Variants in TBC1D13 observed in about 807,000 individuals in gnomAD.
TBC1D13 encodes the protein epididymis secretory sperm binding protein.
TBC1D13 carries 40 observed loss-of-function variants against 53.6 expected under a neutral mutation model. The observed-to-expected ratio is 0.75, with a 90% CI of 0.58 to 0.97. The LOEUF is 0.97. TBC1D13 is among the 50% of genes least tolerant of loss of function. The pLI is 0.00. For missense variants in TBC1D13, 377 were observed against 499.4 expected (o/e 0.75, Z 2.34); for synonymous variants, 182 against 197.7 (o/e 0.92, Z 0.67).
chr9:128,808,329 A>G lies in TBC1D13; in HGVS notation c.*450A>G, dbSNP rs535401058. 1 of 221,316 alleles carries G rather than the reference A, an allele frequency of 4.5e-6. No homozygotes were observed. The highest frequency in any genetic ancestry group is 9.3e-6 in the Non-Finnish European group (1 of 108,000). 13.7% of individuals were successfully genotyped at this position (221,316 alleles called of 1,614,324 possible). A position where few individuals can be genotyped will look rare whatever the true frequency, so the allele number is the denominator to read the frequency against. The stretch of plus-strand genomic sequence containing the variant: ...ACAGGGAAGGCGACACTGAAAGCTG[A>G]GTCCTGCCGTCTGTCTCACCCACAG... On this transcript the variant is annotated 3_prime_UTR_variant, in exon 12 of 12. Coordinates refer to ENST00000372648, the MANE Select transcript of TBC1D13 (RefSeq NM_018201.5).
intron 6 of TBC1D13, among the ~76,000 whole-genome samples, chr9:128,794,524 G>A (rs967370822): frequency 6.6e-6 from 1 of 151,818 alleles, no homozygotes; most frequent in African/African-American, 2.4e-5. Flanking sequence ...CACCCAGGCT[G>A]GAGTGCAGTG....
rs758680104 is a variant in TBC1D13, at chr9:128,803,276, G to A, written c.570G>A (p.Val190=). 4 of 1,614,162 alleles carry A rather than the reference G, an allele frequency of 2.5e-6. No homozygotes were observed. Among genetic ancestry groups the A allele is most frequent in the Non-Finnish European group, 3.4e-6 (4 of 1,180,022 alleles). Residue 190 remains valine, a synonymous_variant, in exon 8 of 12, where the codon GTG becomes GTA. Transcript: ENST00000372648. ...TNMSSPHKNS[V]PSSLNEYEVL... is the part of the protein sequence containing the mutation. ...TGAGCTCCCCACACAAGAACTCTGT[G>A]CCATCATCCCTAAATGAGTATGAGG...
In TBC1D13 at chr9:128,805,919, CAGG is replaced by C; in HGVS notation, c.982_984del (p.Glu328del). 1 of 1,614,208 alleles carries C rather than the reference CAGG, an allele frequency of 6.2e-7. No homozygotes were observed. The highest frequency in any genetic ancestry group is 8.5e-7 in the Non-Finnish European group (1 of 1,180,042). ...CCGCTGGCTGACACTGCTGCTGTCC[CAGG>C]AGTTCTTGCTGCCTGACGTCATCCG... On this transcript the variant is annotated inframe_deletion, in exon 10 of 12. Coordinates refer to ENST00000372648, the MANE Select transcript of TBC1D13 (RefSeq NM_018201.5).
At chr9:128,807,119 C>T (rs1183497409) in intron 11 of TBC1D13, among the ~76,000 whole-genome samples, 1 of 150,028 alleles carries the variant, frequency 6.7e-6, no homozygotes, top group Admixed American at 6.6e-5. Context: ...CAGAGTCTCG[C>T]TCTGTTGTCC....
rs1328942437 is a variant in TBC1D13 at position 128,806,266 on chromosome 9, G to A, written c.1092G>A (p.Glu364=). ...VCCAMLMLIR[E]QLLEGDFTVN... is the part of the protein sequence containing the mutation. ...CTGCTTTTCATAGGCTGATCCGGGA[G>A]CAGTTGCTGGAAGGGGACTTCACTG... Residue 364 remains glutamate, a synonymous_variant, in exon 11 of 12, where the codon GAG becomes GAA. Coordinates refer to ENST00000372648, the MANE Select transcript of TBC1D13 (RefSeq NM_018201.5). The A allele has an allele frequency of 2.5e-6, 4 of 1,614,188 alleles. No individual in the cohort carries two copies. The Admixed American group carries it at 5.0e-5, about 20-fold the overall frequency.
chr9:128,789,679 G>A (rs868680588), intron 2 of TBC1D13, among the ~76,000 whole-genome samples: 32 of 151,858 alleles, frequency 2.1e-4, no homozygotes, highest in African/African-American at 7.7e-4. Flanking sequence ...AAATATGTAT[G>A]GAATATCTTC....
At chr9:128,801,311 CTCTT>C (rs1017692163) in intron 7 of TBC1D13, among the ~76,000 whole-genome samples, 3 of 152,176 alleles carry the variant, frequency 2.0e-5, no homozygotes, top group African/African-American at 7.2e-5. Context: ...TTTGGATATT[CTCTT>C]TCTTTGGTCT....
At chr9:128,789,774 G>C (rs1254560791) in intron 2 of TBC1D13, 1 of 109,080 alleles carries the variant, frequency 9.2e-6, no homozygotes, top group East Asian at 2.7e-4. Context: ...AGGGGTTACA[G>C]ACGTTAAGAA....
chr9:128,802,335 G>A (rs1040986175), intron 7 of TBC1D13, among the ~76,000 whole-genome samples: 13 of 152,176 alleles, frequency 8.5e-5, no homozygotes, highest in Admixed American at 2.0e-4. Flanking sequence ...TGGGATTACA[G>A]GTATGAACCA....
At chr9:128,789,432 C>A (rs74976019) in intron 2 of TBC1D13, among the ~76,000 whole-genome samples, 1 of 151,672 alleles carries the variant, frequency 6.6e-6, no homozygotes, top group Non-Finnish European at 1.5e-5. Flanking sequence ...GCAGCAACTG[C>A]GGTAGTGAGC....
intron 11 of TBC1D13, 79 bp from the exon 12 acceptor site, chr9:128,807,735 G>C: frequency 2.7e-6 from 4 of 1,464,140 alleles, no homozygotes; most frequent in Non-Finnish European, 3.8e-6. Context: ...GCATGGCAAC[G>C]GGTCCCAGCA....
rs762896644 is a variant in TBC1D13, at chr9:128,808,456, TTAGGGA to T, written c.*578_*583del. Reference sequence around the variant, plus strand: ...GTGTGTGTGTGTGTGTGTGTGTGTGTTAGGGAGTGAGGGTCTCTCAGGCCTCCAGGT... The same window carrying T: ...GTGTGTGTGTGTGTGTGTGTGTGTGTGTGAGGGTCTCTCAGGCCTCCAGGT... On this transcript the variant is annotated 3_prime_UTR_variant, in exon 12 of 12. Transcript: ENST00000372648. 2.6e-4 allele frequency: 43 copies of T among 164,146 alleles called. No individual in the cohort carries two copies. Among genetic ancestry groups the T allele is most frequent in the South Asian group, 6.3e-4 (4 of 6,304 alleles). 10.2% of individuals were successfully genotyped at this position (164,146 alleles called of 1,614,324 possible).
At chr9:128,806,077 C>A in intron 10 of TBC1D13, 58 bp downstream of exon 10, 1 of 1,595,010 alleles carries the variant, frequency 6.3e-7, no homozygotes. Context: ...AGAAGCCAGA[C>A]AGGAGGACCC....
Position 128,788,324 on chromosome 9 carries a change from C to T in TBC1D13, c.24-10C>T. ...GCATGCTTCATTTGCCGCCCTATCT[C>T]CCCTTCCAGAATTGCAGATTTCCAG... On this transcript the variant is annotated splice_polypyrimidine_tract_variant and intron_variant, in intron 1 of 11. Coordinates refer to ENST00000372648, the MANE Select transcript of TBC1D13 (RefSeq NM_018201.5). 2 of 1,613,904 alleles carry T rather than the reference C, an allele frequency of 1.2e-6. No homozygotes were observed. Among genetic ancestry groups the T allele is most frequent in the Non-Finnish European group, 1.7e-6 (2 of 1,179,806 alleles).
At position 128,792,505 on chromosome 9, in the gene TBC1D13, A is replaced by G. The variant is rs961926496; in HGVS notation, c.314A>G (p.Asn105Ser). 3 of 1,613,872 alleles carry G rather than the reference A, an allele frequency of 1.9e-6. No individual in the cohort carries two copies. The highest frequency in any genetic ancestry group is 2.2e-5 in the East Asian group (1 of 44,858). Residue 105 changes from asparagine (N) to serine (S), a missense_variant, in exon 6 of 12, where the codon AAC becomes AGC. Asn to Ser is a conservative substitution (Grantham distance 46, BLOSUM62 1). Transcript: ENST00000372648. ...TTCTCCCCACAGCCACTCAACCCCA[A>G]CCCTGACAGCCGGTGGAACACGTAC... is the stretch of plus-strand genomic sequence containing the variant. The part of the protein sequence containing the change: ...VTFEDHPLNP[N>S]PDSRWNTYFK...
intron 7 of TBC1D13, among the ~76,000 whole-genome samples, chr9:128,801,159 A>G (rs931624761): frequency 3.9e-5 from 6 of 152,144 alleles, no homozygotes; most frequent in Non-Finnish European, 4.4e-5. Flanking sequence ...GTGACAGAGC[A>G]AGACTCCATC....
At chr9:128,807,662 TG>T in intron 11 of TBC1D13, 151 bp from the exon 12 acceptor site, 1 of 764,872 alleles carries the variant, frequency 1.3e-6, no homozygotes, top group Non-Finnish European at 2.4e-6. Context: ...TGCAGGGGTC[TG>T]GGGGTTGGGG....
At chr9:128,790,821 G>A (rs755732199) in intron 3 of TBC1D13, 46 bp downstream of exon 3, 2 of 1,548,622 alleles carry the variant, frequency 1.3e-6, no homozygotes, top group South Asian at 2.4e-5. Context: ...AGAGTCCCTG[G>A]GTTTTCCTGC....
rs1295254410 is a variant in TBC1D13 at position 128,809,928 on chromosome 9, TTCA to T, written c.*2051_*2053del. On this transcript the variant is annotated 3_prime_UTR_variant, in exon 12 of 12. Coordinates refer to ENST00000372648, the MANE Select transcript of TBC1D13 (RefSeq NM_018201.5). ...GTGGTTCAGCCCCTTCTCCAACCCC[TTCA>T]TAAGCTTGGGCCACTGCCTGGGACC... The T allele has an allele frequency of 6.6e-6, 1 of 152,588 alleles. No homozygotes were observed. Among genetic ancestry groups the T allele is most frequent in the East Asian group, 1.9e-4 (1 of 5,188 alleles). 9.5% of individuals were successfully genotyped at this position (152,588 alleles called of 1,614,324 possible).
Sources: allele counts gnomAD v4.1 joint callset (sites outside exome capture counted in the v4.1 genomes callset), GRCh38; gene constraint gnomAD v4.1.1; transcripts MANE v1.5; gene names NCBI Gene and HGNC (gene_info 2026-07-23, HGNC 2026-07-21).